The following ZNF618 variants were observed in gnomAD, a reference collection of about 807,000 sequenced individuals.
ZNF618 encodes neural precursor cell expressed, developmentally down-regulated 10.
A neutral mutation model predicts 103.0 loss-of-function variants in ZNF618; 34 were observed. The observed-to-expected ratio is 0.33, with a 90% confidence interval of 0.25 to 0.44. The LOEUF is 0.44. Ranked by LOEUF, ZNF618 falls within the 20% of genes least tolerant of loss-of-function variation. The pLI is 1.00. For missense variants in ZNF618, 1,059 were observed against 1,295.4 expected, an observed-to-expected ratio of 0.82 and a Z score of 2.80; for synonymous variants, 551 against 542.2, an observed-to-expected ratio of 1.02 and a Z score of -0.23.
At chr9:114,033,859 G>C (rs1844334063) in intron 12 of ZNF618, among the ~76,000 whole-genome samples, 1 of 152,172 alleles carries the variant, frequency 6.6e-6, no homozygotes, top group Admixed American at 6.5e-5. Context: ...TACTGCCTGG[G>C]TGTGGACAGG....
rs1200338204 is a variant in ZNF618, at chr9:113,917,412, AT to A, written c.33+41012del. Among the ~76,000 whole-genome samples, 348 of 140,132 alleles carry A rather than the reference AT, an allele frequency of 2.5e-3. No homozygotes were observed. In the East Asian group the frequency reaches 0.031, roughly 13 times the overall value. 91.9% of individuals were successfully genotyped at this position (140,132 alleles called of 152,430 possible). Reference sequence around the variant, plus strand: ...CAGGCGTGTGCCACCACACTCGTCTATTTTTTTTTTTTTAAATCTTTTGTAG... The same window carrying A: ...CAGGCGTGTGCCACCACACTCGTCTATTTTTTTTTTTTAAATCTTTTGTAG... On this transcript the variant is annotated intron_variant, in intron 1 of 14. Transcript: ENST00000374126.
chr9:113,949,040 T>G (rs1588125146), intron 1 of ZNF618, among the ~76,000 whole-genome samples: 2 of 152,346 alleles, frequency 1.3e-5, no homozygotes, highest in African/African-American at 4.8e-5. Flanking sequence ...GTTTCAGAGA[T>G]GAAGCTTGAA....
chr9:113,973,856 T>G (rs888049654), intron 2 of ZNF618, among the ~76,000 whole-genome samples: 6 of 152,180 alleles, frequency 3.9e-5, no homozygotes, highest in Non-Finnish European at 8.8e-5. Flanking sequence ...ATTTTAGAGA[T>G]AAGGAAATCT....
chr9:114,048,603 G>A (rs1309342361), intron 14 of ZNF618, 48 bp from the exon 15 acceptor site: 9 of 1,562,016 alleles, frequency 5.8e-6, no homozygotes, highest in Non-Finnish European at 7.8e-6. Flanking sequence ...ACTCCAAGCA[G>A]CCTTGAATGC....
At chr9:114,033,389 AAGAGAGAGAGAGAG>A (rs10624141) in intron 12 of ZNF618, among the ~76,000 whole-genome samples, 4 of 147,058 alleles carry the variant, frequency 2.7e-5, no homozygotes, top group African/African-American at 5.0e-5. Context: ...CTGTCTCAAA[AAGAGAGAGAGAGAG>A]AGAGAGAGAG....
At chr9:113,924,422 TTC>T (rs1306123689) in intron 1 of ZNF618, among the ~76,000 whole-genome samples, 6 of 106,044 alleles carry the variant, frequency 5.7e-5, no homozygotes, top group African/African-American at 1.7e-4. Flanking sequence ...CTTCTTCTTC[TTC>T]TTTTTTTTTT....
chr9:114,022,121 G>T lies in ZNF618; in HGVS notation c.844+5337G>T, dbSNP rs540661227. ...TTCTCTTGGGTAATTACCTAAGAAT[G>T]GAATGACTGGATCATATGGTAGATG... On this transcript the variant is annotated intron_variant, in intron 10 of 14. Coordinates refer to ENST00000374126, the MANE Select transcript of ZNF618 (RefSeq NM_001318042.2). Among the ~76,000 whole-genome samples, 4 of 152,194 alleles carry T rather than the reference G, an allele frequency of 2.6e-5. No individual in the cohort carries two copies. The South Asian group carries it at 8.3e-4, about 32-fold the overall frequency.
intron 2 of ZNF618, 21 bp from the exon 3 acceptor site, chr9:113,988,300 A>G: frequency 6.2e-7 from 1 of 1,603,082 alleles, no homozygotes; most frequent in Non-Finnish European, 8.5e-7. Context: ...AAGGTATTGA[A>G]CGGAGTTTCT....
intron 3 of ZNF618, among the ~76,000 whole-genome samples, chr9:113,995,212 C>G (rs904979961): frequency 5.3e-5 from 8 of 150,136 alleles, no homozygotes; most frequent in African/African-American, 1.7e-4. Context: ...ATCACCATAA[C>G]AAGATGTACA....
At chr9:113,977,344 G>A (rs1041783384) in intron 2 of ZNF618, among the ~76,000 whole-genome samples, 6 of 152,206 alleles carry the variant, frequency 3.9e-5, no homozygotes, top group African/African-American at 4.8e-5. Flanking sequence ...ATTAGAAAAA[G>A]GAGTAGTTGC....
intron 13 of ZNF618, among the ~76,000 whole-genome samples, chr9:114,038,944 C>T (rs905463574): frequency 1.3e-4 from 20 of 152,228 alleles, no homozygotes; most frequent in African/African-American, 4.1e-4. Flanking sequence ...CATATATTCA[C>T]TTATTTAATT....
At chr9:113,902,406 G>T (rs1830647871) in intron 1 of ZNF618, among the ~76,000 whole-genome samples, 1 of 152,098 alleles carries the variant, frequency 6.6e-6, no homozygotes, top group African/African-American at 2.4e-5. Context: ...AGGGTGTGTG[G>T]CTATCTTTGC....
intron 2 of ZNF618, among the ~76,000 whole-genome samples, chr9:113,974,553 G>A (rs1456982210): frequency 6.6e-6 from 1 of 152,178 alleles, no homozygotes; most frequent in Non-Finnish European, 1.5e-5. Context: ...GGACAGACAG[G>A]ACCTTACACA....
intron 1 of ZNF618, among the ~76,000 whole-genome samples, chr9:113,879,627 A>G (rs1828317677): frequency 6.6e-6 from 1 of 151,854 alleles, no homozygotes; most frequent in Admixed American, 6.6e-5. Context: ...TCTGTTCACC[A>G]CATTCTCGTA....
rs535511011 is a variant in ZNF618, at chr9:114,024,678, A to G, written c.845-4055A>G. On this transcript the variant is annotated intron_variant, in intron 10 of 14. Coordinates refer to ENST00000374126, the MANE Select transcript of ZNF618 (RefSeq NM_001318042.2). ...GCCTCTCTGGCTAGGGGGAACTCCAAAATATCTCCTACTCTTGTGTGACTT... is the reference window on the plus strand; with the variant it reads ...GCCTCTCTGGCTAGGGGGAACTCCAGAATATCTCCTACTCTTGTGTGACTT... 1.1e-4 allele frequency among the ~76,000 whole-genome samples: 16 copies of G among 150,834 alleles called. No homozygotes were observed. In the East Asian group the frequency reaches 2.5e-3, roughly 24 times the overall value.
At chr9:113,959,450 G>A (rs1836636406) in intron 1 of ZNF618, among the ~76,000 whole-genome samples, 1 of 152,240 alleles carries the variant, frequency 6.6e-6, no homozygotes, top group South Asian at 2.1e-4. Context: ...TATAGTACGT[G>A]TTGGACTCAT....
intron 1 of ZNF618, among the ~76,000 whole-genome samples, chr9:113,965,146 G>T (rs751528559): frequency 4.6e-5 from 7 of 151,906 alleles, no homozygotes; most frequent in Non-Finnish European, 8.8e-5. Flanking sequence ...TTTTAATTCA[G>T]TGCATTAGCA....
At chr9:113,938,528 A>G (rs1834236695) in intron 1 of ZNF618, among the ~76,000 whole-genome samples, 1 of 129,124 alleles carries the variant, frequency 7.7e-6, no homozygotes, top group Admixed American at 7.7e-5. Flanking sequence ...TTGTAGTGTT[A>G]TTTGTAGGAT....
chr9:114,019,540 G>C (rs1842908423), intron 10 of ZNF618, among the ~76,000 whole-genome samples: 1 of 152,208 alleles, frequency 6.6e-6, no homozygotes, highest in Non-Finnish European at 1.5e-5. Flanking sequence ...ATTCTAGTGA[G>C]GGGATAGTGG....
Sources: allele counts gnomAD v4.1 joint callset (sites outside exome capture counted in the v4.1 genomes callset), GRCh38; gene constraint gnomAD v4.1.1; transcripts MANE v1.5; gene names NCBI Gene and HGNC (gene_info 2026-07-23, HGNC 2026-07-21).